The following PTPRD variants were observed in gnomAD, a reference collection of about 807,000 sequenced individuals.
PTPRD encodes the protein protein tyrosine phosphatase receptor type D, also known as receptor-type tyrosine-protein phosphatase delta.
A neutral mutation model predicts 214.5 loss-of-function variants in PTPRD; 34 were observed. The observed-to-expected ratio is 0.16, with a 90% CI of 0.12 to 0.21. The LOEUF (loss-of-function observed/expected upper bound fraction) is 0.21. PTPRD is among the 10% of genes least tolerant of loss of function. The pLI is 1.00. For missense variants in PTPRD, 2,545 were observed against 2,398.7 expected (o/e 1.06, Z -1.27); for synonymous variants, 1,128 against 845.7 (o/e 1.33, Z -5.79).
At chr9:9,359,491 A>G (rs2055167291) in intron 9 of PTPRD, among the ~76,000 whole-genome samples, 1 of 151,282 alleles carries the variant, frequency 6.6e-6, no homozygotes. Context: ...GTTTGCAAAC[A>G]CATAGCTAAA....
chr9:10,195,080 C>T (rs2099392133), intron 3 of PTPRD, among the ~76,000 whole-genome samples: 1 of 150,394 alleles, frequency 6.6e-6, no homozygotes, highest in African/African-American at 2.4e-5. Context: ...CTACAGGCAC[C>T]CGTGACCATA....
chr9:10,181,372 C>G (rs1346843097), intron 3 of PTPRD, among the ~76,000 whole-genome samples: 2 of 152,066 alleles, frequency 1.3e-5, no homozygotes, highest in Admixed American at 1.3e-4. Flanking sequence ...TAAAACTACT[C>G]CCCAAATTTA....
At chr9:9,417,307 T>C (rs1477816602) in intron 8 of PTPRD, among the ~76,000 whole-genome samples, 1 of 152,156 alleles carries the variant, frequency 6.6e-6, no homozygotes, top group African/African-American at 2.4e-5. Flanking sequence ...CAGATTGATA[T>C]AGATTCATTC....
At chr9:9,952,364 C>A (rs1211692801) in intron 4 of PTPRD, among the ~76,000 whole-genome samples, 1 of 152,106 alleles carries the variant, frequency 6.6e-6, no homozygotes, top group Non-Finnish European at 1.5e-5. Flanking sequence ...CTCAGCAACA[C>A]GTGGTGCCTT....
At chr9:9,516,510 C>T (rs938501038) in intron 8 of PTPRD, among the ~76,000 whole-genome samples, 4 of 149,782 alleles carry the variant, frequency 2.7e-5, no homozygotes, top group African/African-American at 4.9e-5. Flanking sequence ...AATATATATA[C>T]ATATATATTT....
chr9:10,361,031 G>A lies in PTPRD; in HGVS notation c.-599-20014C>T, dbSNP rs983197951. On this transcript the variant is annotated intron_variant, in intron 2 of 45. Coordinates refer to ENST00000381196, the MANE Select transcript of PTPRD (RefSeq NM_002839.4). ...GCAGGAGAATGGCGTGAACACGGGA[G>A]GCGGAGCTTGTAGTGAGCCGAGATG... 1.8e-4 allele frequency among the ~76,000 whole-genome samples: 27 copies of A among 152,118 alleles called. 1 individual carries two copies. Among genetic ancestry groups the A allele is most frequent in the South Asian group, 4.1e-4 (2 of 4,834 alleles).
At chr9:9,512,366 A>G (rs1245679108) in intron 8 of PTPRD, among the ~76,000 whole-genome samples, 1 of 151,856 alleles carries the variant, frequency 6.6e-6, no homozygotes, top group Non-Finnish European at 1.5e-5. Context: ...GCTTCTAAGC[A>G]AGAAAAATAT....
intron 2 of PTPRD, among the ~76,000 whole-genome samples, chr9:10,343,978 GT>G (rs139613939): frequency 0.013 from 409 of 31,652 alleles, 3 homozygotes; most frequent in African/African-American, 0.034. Context: ...TCTGATGGTA[GT>G]TTTTTTTTTT....
At chr9:8,544,192 G>C (rs940035644) in intron 14 of PTPRD, among the ~76,000 whole-genome samples, 5 of 104,946 alleles carry the variant, frequency 4.8e-5, no homozygotes, top group African/African-American at 1.9e-4. Context: ...TTTTGAGACA[G>C]AGTCCTGCTT....
intron 2 of PTPRD, among the ~76,000 whole-genome samples, chr9:10,416,766 T>A (rs574875734): frequency 6.6e-6 from 1 of 151,812 alleles, no homozygotes; most frequent in African/African-American, 2.4e-5. Context: ...ATTTATAAGT[T>A]TGGGGGACTG....
intron 4 of PTPRD, among the ~76,000 whole-genome samples, chr9:10,033,326 T>A (rs1299548136): frequency 4.6e-5 from 7 of 151,816 alleles, no homozygotes; most frequent in Non-Finnish European, 1.0e-4. Flanking sequence ...ATAATAAGTA[T>A]AGTGTATTAG....
At chr9:9,455,444 C>T (rs2092852219) in intron 8 of PTPRD, among the ~76,000 whole-genome samples, 1 of 151,510 alleles carries the variant, frequency 6.6e-6, no homozygotes, top group Non-Finnish European at 1.5e-5. Flanking sequence ...ACAATACCAA[C>T]AGTGCAGAAC....
intron 3 of PTPRD, among the ~76,000 whole-genome samples, chr9:10,231,000 G>A (rs2099607478): frequency 6.6e-6 from 1 of 151,922 alleles, no homozygotes; most frequent in African/African-American, 2.4e-5. Context: ...TTATGAGGAG[G>A]ACTTGGGGCT....
intron 3 of PTPRD, among the ~76,000 whole-genome samples, chr9:10,224,862 T>A (rs957839380): frequency 6.6e-6 from 1 of 152,096 alleles, no homozygotes; most frequent in Non-Finnish European, 1.5e-5. Flanking sequence ...CTATTCCTTA[T>A]GATTTTCTTA....
At chr9:10,168,130 G>A (rs189871359) in intron 3 of PTPRD, among the ~76,000 whole-genome samples, 113 of 152,200 alleles carry the variant, frequency 7.4e-4, no homozygotes, top group African/African-American at 2.4e-3. Flanking sequence ...GCAGGTGATG[G>A]CATTTTCTAA....
chr9:10,451,702 A>G (rs2098842769), intron 2 of PTPRD, among the ~76,000 whole-genome samples: 1 of 151,868 alleles, frequency 6.6e-6, no homozygotes, highest in Non-Finnish European at 1.5e-5. Flanking sequence ...AAGTCTGTAA[A>G]CAAATTTCAC....
chr9:10,090,761 G>A (rs1442334540), intron 3 of PTPRD, among the ~76,000 whole-genome samples: 1 of 146,254 alleles, frequency 6.8e-6, no homozygotes, highest in Non-Finnish European at 1.5e-5. Flanking sequence ...CTCAGAAATA[G>A]AATAGCATAT....
chr9:8,794,000 T>C (rs1378753550), intron 11 of PTPRD, among the ~76,000 whole-genome samples: 1 of 152,200 alleles, frequency 6.6e-6, no homozygotes, highest in Non-Finnish European at 1.5e-5. Context: ...GTGATATTGA[T>C]ATAGAGTACT....
At chr9:8,376,275 G>A (rs778655169) in intron 38 of PTPRD, among the ~76,000 whole-genome samples, 185 bp from the exon 39 acceptor site, 19 of 152,024 alleles carry the variant, frequency 1.2e-4, no homozygotes, top group Non-Finnish European at 2.2e-4. Flanking sequence ...AAATATTTGC[G>A]CAGGAAGACA....
Sources: gnomAD v4.1 joint callset for allele counts (sites outside exome capture counted in the v4.1 genomes callset) on GRCh38, gnomAD v4.1.1 for gene constraint, MANE v1.5 for transcripts, NCBI Gene and HGNC (gene_info 2026-07-23, HGNC 2026-07-21) for gene names.